The following NAV2 variants were observed in gnomAD, a reference collection of about 807,000 sequenced individuals.
The protein encoded by NAV2 is helicase, APC down-regulated 1.
A neutral mutation model predicts 223.2 loss-of-function variants in NAV2; 54 were observed. That is an observed-to-expected ratio of 0.24 (90% confidence interval 0.19 to 0.30). The LOEUF is 0.30. Among genes scored for constraint, NAV2 ranks in the 10% least tolerant of loss-of-function variants. The probability of loss-of-function intolerance (pLI) is 1.00; values close to 1 mark genes in which losing one functional copy is unlikely to be tolerated. For synonymous variants in NAV2, 1,279 were observed against 1,239.3 expected (o/e 1.03, Z -0.67); for missense variants, 2,806 against 3,147.5 (o/e 0.89, Z 2.60).
intron 25 of NAV2, chr11:20,082,745 A>G (rs1301106679): frequency 1.1e-5 from 10 of 938,468 alleles, no homozygotes; most frequent in Non-Finnish European, 1.7e-5. Flanking sequence ...GCTGAGCCAG[A>G]CTCTGTGTTG....
intron 26 of NAV2, among the ~76,000 whole-genome samples, chr11:20,086,230 CT>C (rs1414778020): frequency 1.3e-5 from 2 of 152,202 alleles, no homozygotes; most frequent in Non-Finnish European, 2.9e-5. Context: ...AGATCAGTCT[CT>C]GTTCTGTGTA....
intron 25 of NAV2, 81 bp downstream of exon 25, chr11:20,080,290 C>T: frequency 7.4e-7 from 1 of 1,343,606 alleles, no homozygotes; most frequent in Non-Finnish European, 1.0e-6. Flanking sequence ...CAGATAAAGT[C>T]CAGCCCAGCT....
chr11:20,069,626 G>T (rs2059273755), intron 22 of NAV2, among the ~76,000 whole-genome samples: 1 of 152,160 alleles, frequency 6.6e-6, no homozygotes, highest in African/African-American at 2.4e-5. Context: ...ATATCGAAAG[G>T]TGCTAAGGTG....
intron 1 of NAV2, among the ~76,000 whole-genome samples, chr11:19,725,352 G>A (rs1047036201): frequency 6.6e-6 from 1 of 152,198 alleles, no homozygotes; most frequent in African/African-American, 2.4e-5. Context: ...CCCAAGTCTA[G>A]TTGAGGGTGG....
intron 15 of NAV2, 79 bp downstream of exon 15, chr11:20,049,274 T>C (rs1723473477): frequency 9.4e-7 from 1 of 1,064,530 alleles, no homozygotes; most frequent in South Asian, 1.5e-5. Flanking sequence ...GAATCCCAAA[T>C]GTCGAATAGC....
At chr11:19,641,477 C>T (rs1051796997) in intron 1 of NAV2, among the ~76,000 whole-genome samples, 1 of 152,062 alleles carries the variant, frequency 6.6e-6, no homozygotes, top group African/African-American at 2.4e-5. Context: ...TCCTCCTCAG[C>T]AGCCAATGAG....
intron 1 of NAV2, among the ~76,000 whole-genome samples, chr11:19,532,656 G>C (rs1312607459): frequency 1.3e-5 from 2 of 152,150 alleles, no homozygotes; most frequent in Non-Finnish European, 2.9e-5. Context: ...GTGGAGCCAG[G>C]CTGCAGACTA....
At chr11:19,905,998 A>T (rs2042834748) in intron 6 of NAV2, among the ~76,000 whole-genome samples, 1 of 152,140 alleles carries the variant, frequency 6.6e-6, no homozygotes. Flanking sequence ...AATGTTTTCA[A>T]ATCATAGCCA....
intron 1 of NAV2, among the ~76,000 whole-genome samples, chr11:19,531,541 G>T (rs545371393): frequency 1.4e-3 from 206 of 152,342 alleles, no homozygotes; most frequent in African/African-American, 4.8e-3. Flanking sequence ...CAGATTGGAT[G>T]CAGATTACAA....
intron 1 of NAV2, among the ~76,000 whole-genome samples, chr11:19,598,045 G>A (rs978202322): frequency 3.9e-5 from 6 of 152,230 alleles, no homozygotes; most frequent in African/African-American, 1.2e-4. Flanking sequence ...CCCTTCTGCT[G>A]CCCTGGGGGG....
At chr11:19,987,307 G>A (rs969973190) in intron 11 of NAV2, among the ~76,000 whole-genome samples, 18 of 152,088 alleles carry the variant, frequency 1.2e-4, no homozygotes, top group African/African-American at 4.1e-4. Flanking sequence ...CCTGAAAATC[G>A]AAGGTCCCAG....
chr11:19,440,892 A>C (rs1851376920), intron 1 of NAV2, among the ~76,000 whole-genome samples: 1 of 152,228 alleles, frequency 6.6e-6, no homozygotes, highest in South Asian at 2.1e-4. Flanking sequence ...TAAGTAGGCC[A>C]ATCTTCCACA....
At position 19,539,974 on chromosome 11, in the gene NAV2, C is replaced by T. The variant is rs576953476; in HGVS notation, c.75+188947C>T. On this transcript the variant is annotated intron_variant, in intron 1 of 37. Transcript: ENST00000360655. ...TCTGTCCCGATAGGAGCACATAATC[C>T]CATCAGTGCCAATGGGAGTTATGTG... Among the ~76,000 whole-genome samples, 8 of 152,284 alleles carry T rather than the reference C, an allele frequency of 5.3e-5. No individual in the cohort carries two copies. In the East Asian group the frequency reaches 1.5e-3, roughly 29 times the overall value.
chr11:19,599,296 G>A (rs1214875244), intron 1 of NAV2, among the ~76,000 whole-genome samples: 1 of 151,978 alleles, frequency 6.6e-6, no homozygotes, highest in Non-Finnish European at 1.5e-5. Flanking sequence ...CAAATGGTTT[G>A]GCTGGAAAAA....
intron 1 of NAV2, among the ~76,000 whole-genome samples, chr11:19,561,883 T>A (rs991165039): frequency 6.6e-6 from 1 of 152,194 alleles, no homozygotes; most frequent in African/African-American, 2.4e-5. Flanking sequence ...CCTGCCCCAC[T>A]GCCCCAGGCT....
At chr11:20,054,383 T>C in intron 18 of NAV2, 143 bp downstream of exon 18, 1 of 758,248 alleles carries the variant, frequency 1.3e-6, no homozygotes, top group Non-Finnish European at 2.0e-6. Context: ...TGGTGATTTC[T>C]GAGATTTTGG....
chr11:19,759,405 G>A lies in NAV2; in HGVS notation c.267+45443G>A, dbSNP rs760130004. Among the ~76,000 whole-genome samples, 14 of 152,112 alleles carry A rather than the reference G, an allele frequency of 9.2e-5. 1 individual carries two copies. The highest frequency in any genetic ancestry group is 1.5e-4 in the Non-Finnish European group (10 of 68,030). ...GCAAGGATCTGAAAGACACTTTAAT[G>A]ATAATCTTGTCTAACACACCCTAAC... On this transcript the variant is annotated intron_variant, in intron 1 of 37. Transcript: ENST00000349880.
chr11:19,745,876 T>G (rs1003417185), intron 1 of NAV2, among the ~76,000 whole-genome samples: 2 of 152,164 alleles, frequency 1.3e-5, no homozygotes, highest in Non-Finnish European at 2.9e-5. Context: ...TAACAGGCCA[T>G]ACAATGGTAC....
At chr11:19,955,182 G>A (rs1429831944) in intron 10 of NAV2, among the ~76,000 whole-genome samples, 1 of 151,916 alleles carries the variant, frequency 6.6e-6, no homozygotes, top group Non-Finnish European at 1.5e-5. Flanking sequence ...TGAGATGGGG[G>A]GATCATTTGA....
Sources: allele counts gnomAD v4.1 joint callset (sites outside exome capture counted in the v4.1 genomes callset), GRCh38; gene constraint gnomAD v4.1.1; transcripts MANE v1.5; gene names NCBI Gene and HGNC (gene_info 2026-07-23, HGNC 2026-07-21).